The following PDCD4 variants were observed in gnomAD, a reference collection of about 807,000 sequenced individuals.
The protein encoded by PDCD4 is programmed cell death protein 4.
Under a neutral mutation model 54.0 loss-of-function variants are expected in PDCD4, and 56 were observed. The observed-to-expected ratio is 1.04, with a 90% CI of 0.84 to 1.30. The LOEUF (loss-of-function observed/expected upper bound fraction) is 1.30, where lower values mean the gene tolerates loss of function less well. PDCD4 is among the 50% of genes most tolerant of loss of function. The pLI, the probability that PDCD4 is intolerant of heterozygous loss-of-function variation, is 0.00. For synonymous variants in PDCD4, 186 were observed against 194.8 expected (o/e 0.95, Z 0.37); for missense variants, 584 against 559.8 (o/e 1.04, Z -0.44).
At chr10:110,885,978 A>C (rs538335515) in intron 5 of PDCD4, among the ~76,000 whole-genome samples, 12 of 152,188 alleles carry the variant, frequency 7.9e-5, no homozygotes, top group African/African-American at 2.7e-4. Context: ...GAAGACTTTG[A>C]TCATTTAGAT....
At chr10:110,893,695 C>T (rs1845789843) in intron 8 of PDCD4, among the ~76,000 whole-genome samples, 1 of 152,030 alleles carries the variant, frequency 6.6e-6, no homozygotes, top group African/African-American at 2.4e-5. Context: ...CTATTAAGAG[C>T]GTCTTGATAG....
chr10:110,878,234 G>C (rs1367708915), intron 2 of PDCD4, among the ~76,000 whole-genome samples: 3 of 152,092 alleles, frequency 2.0e-5, no homozygotes. Flanking sequence ...TACAAACATG[G>C]GTTAAAAATG....
intron 1 of PDCD4, among the ~76,000 whole-genome samples, chr10:110,875,596 CT>C (rs1845491059): frequency 6.6e-6 from 1 of 152,006 alleles, no homozygotes; most frequent in South Asian, 2.1e-4. Flanking sequence ...ATTTATATTC[CT>C]ATGTATGTAT....
chr10:110,885,437 C>G, intron 5 of PDCD4, 71 bp downstream of exon 5: 1 of 658,082 alleles, frequency 1.5e-6, no homozygotes, highest in Non-Finnish European at 2.7e-6. Context: ...CAAAATACAT[C>G]TACAATGATC....
At chr10:110,881,647 A>C in intron 3 of PDCD4, 112 bp downstream of exon 3, 1 of 826,846 alleles carries the variant, frequency 1.2e-6, no homozygotes, top group South Asian at 2.0e-5. Context: ...AAAAAGTGAA[A>C]ATGTAAGGCT....
rs767528747 is a variant in PDCD4 at position 110,887,823 on chromosome 10, A to G, written c.714A>G (p.Lys238=). The G allele has an allele frequency of 6.2e-7, 1 of 1,613,884 alleles. No individual in the cohort carries two copies. The highest frequency in any genetic ancestry group is 1.7e-5 in the Admixed American group (1 of 60,002). ...GTVMSTTDVE[K]SFDKLLKDLP... ...TAATGAGCACAACTGATGTGGAAAA[A>G]TCATTTGATAAATTGTTGAAAGATC... The change falls in exon 6 of 12, where the codon AAA becomes AAG. Residue 238 remains lysine (K), a synonymous_variant. Transcript: ENST00000280154.
intron 6 of PDCD4, among the ~76,000 whole-genome samples, chr10:110,889,112 C>G (rs1376606040): frequency 6.6e-6 from 1 of 150,966 alleles, no homozygotes; most frequent in South Asian, 2.1e-4. Flanking sequence ...GTCCCAGCCA[C>G]TCGGGAGGCT....
At chr10:110,894,600 A>G (rs1845803686) in intron 10 of PDCD4, 78 bp downstream of exon 10, 1 of 678,378 alleles carries the variant, frequency 1.5e-6, no homozygotes, top group Non-Finnish European at 2.5e-6. Context: ...ATGAATTGTC[A>G]GTGAAATTTT....
chr10:110,873,683 G>A (rs893763520), intron 1 of PDCD4, among the ~76,000 whole-genome samples: 2 of 152,128 alleles, frequency 1.3e-5, no homozygotes, highest in Non-Finnish European at 2.9e-5. Flanking sequence ...ATTAAGGGTT[G>A]TTAAATAAAT....
chr10:110,876,191 T>G, intron 2 of PDCD4, 121 bp downstream of exon 2: 1 of 660,816 alleles, frequency 1.5e-6, no homozygotes, highest in Non-Finnish European at 2.5e-6. Context: ...TTCCTGGGCT[T>G]AAGAGATCCT....
In PDCD4 at chr10:110,896,020, C is replaced by T. The variant is rs146655374; in HGVS notation, c.1282C>T (p.Arg428Trp). The change falls in exon 11 of 12, where the codon CGG (arginine) becomes TGG (tryptophan). Residue 428 changes from arginine to tryptophan, a missense_variant. Coordinates refer to ENST00000280154, the MANE Select transcript of PDCD4 (RefSeq NM_014456.5). ...CCCACATTCATACTCTGTGCTGGAG[C>T]GGTTTGTAGAAGAATGTTTTCAGGC... ...DVPHSYSVLE[R>W]FVEECFQAGI... 30 of 1,608,178 alleles carry T rather than the reference C, an allele frequency of 1.9e-5. No individual in the cohort carries two copies. The highest frequency in any genetic ancestry group is 9.4e-5 in the African/African-American group (7 of 74,760).
chr10:110,874,602 TA>T lies in PDCD4; in HGVS notation c.-62-1362del, dbSNP rs1845473900. On this transcript the variant is annotated intron_variant, in intron 1 of 11. Transcript: ENST00000280154. ...AGATTCACATATATTAATTTATTCT[TA>T]ACAGAATTAGAGAATGATCTCACCA... 4.6e-5 allele frequency among the ~76,000 whole-genome samples: 7 copies of T among 152,276 alleles called. No homozygotes were observed. The South Asian group carries it at 1.5e-3, about 32-fold the overall frequency.
intron 10 of PDCD4, among the ~76,000 whole-genome samples, chr10:110,895,185 T>A (rs910225664): frequency 3.9e-5 from 6 of 152,118 alleles, no homozygotes; most frequent in African/African-American, 1.4e-4. Flanking sequence ...CCTCAGGTAG[T>A]AAATATAGTA....
rs1460370318 is a variant in PDCD4 at position 110,898,768 on chromosome 10, T to A, written c.*680T>A. 1 of 152,652 alleles carries A rather than the reference T, an allele frequency of 6.6e-6. No individual in the cohort carries two copies. Among genetic ancestry groups the A allele is most frequent in the Non-Finnish European group, 1.5e-5 (1 of 68,034 alleles). The allele number at this position is 152,652 out of a possible 1,614,324, so 9.5% of individuals were successfully genotyped here. A position where few individuals can be genotyped will look rare whatever the true frequency, so the allele number is the denominator to read the frequency against. The stretch of plus-strand genomic sequence containing the variant: ...ATTCTTTATTGGGAGTACATTTTTT[T>A]AGGTCTCTTAAACTTTAATTTCACA... On this transcript the variant is annotated 3_prime_UTR_variant, in exon 12 of 12. Transcript: ENST00000280154.
chr10:110,885,409 G>T, intron 5 of PDCD4, 43 bp downstream of exon 5: 3 of 859,194 alleles, frequency 3.5e-6, no homozygotes, highest in Non-Finnish European at 5.7e-6. Context: ...ATATAGGAGA[G>T]AAGACATCTT....
At chr10:110,893,628 CT>C (rs1413493592) in intron 8 of PDCD4, among the ~76,000 whole-genome samples, 1 of 152,036 alleles carries the variant, frequency 6.6e-6, no homozygotes, top group African/African-American at 2.4e-5. Flanking sequence ...ATGTGGAAAT[CT>C]TTGCCCTCTC....
intron 8 of PDCD4, 161 bp downstream of exon 8, chr10:110,890,831 TTTA>T (rs1845744069): frequency 2.4e-6 from 1 of 418,192 alleles, no homozygotes. Context: ...TTTATAACCT[TTTA>T]TTATAAATTA....
chr10:110,874,773 G>A lies in PDCD4; in HGVS notation c.-62-1193G>A, dbSNP rs1331222195. On this transcript the variant is annotated intron_variant, in intron 1 of 11. Coordinates refer to ENST00000280154, the MANE Select transcript of PDCD4 (RefSeq NM_014456.5). The stretch of plus-strand genomic sequence containing the variant: ...CTGAAGAAAAGGGCTATAAACTTAT[G>A]TTAGCAAATAGTAGTACATAATGAG... 3.9e-5 allele frequency among the ~76,000 whole-genome samples: 6 copies of A among 152,150 alleles called. No individual in the cohort carries two copies. The East Asian group carries it at 9.6e-4, about 24-fold the overall frequency.
In PDCD4 at chr10:110,887,710, C is replaced by A. The variant is rs757323188; in HGVS notation, c.601C>A (p.Pro201Thr). Residue 201 changes from proline (P) to threonine (T), a missense_variant, in exon 6 of 12, where the codon CCA becomes ACA. Pro to Thr is a conservative substitution (Grantham distance 38, BLOSUM62 -1). Transcript: ENST00000280154. ...TCTTGGTGAAATGAAAAGTGGAGTA[C>A]CAGTGTTGGCAGTATCCTTAGCATT... The part of the protein sequence containing the change: ...LNLGEMKSGV[P>T]VLAVSLALEG... 8 of 1,612,908 alleles carry A rather than the reference C, an allele frequency of 5.0e-6. No individual in the cohort carries two copies. The highest frequency in any genetic ancestry group is 6.8e-6 in the Non-Finnish European group (8 of 1,179,276).
Sources: gnomAD v4.1 joint callset for allele counts (sites outside exome capture counted in the v4.1 genomes callset) on GRCh38, gnomAD v4.1.1 for gene constraint, MANE v1.5 for transcripts, NCBI Gene and HGNC (gene_info 2026-07-23, HGNC 2026-07-21) for gene names.